GDA: variants seen among roughly 807,000 people sequenced by gnomAD.
GDA encodes cytoplasmic PSD-95 interactor.
A neutral mutation model predicts 59.6 loss-of-function variants in GDA; 18 were observed. The observed-to-expected ratio is 0.30, with a 90% CI of 0.21 to 0.45. GDA has a LOEUF of 0.45. GDA is among the 20% of genes least tolerant of loss of function. GDA has a pLI of 1.00. For synonymous variants in GDA, 201 were observed against 201.1 expected, an observed-to-expected ratio of 1.00 and a Z score of 0.00; for missense variants, 427 against 552.3, an observed-to-expected ratio of 0.77 and a Z score of 2.27.
Position 72,251,488 on chromosome 9 carries a change from C to T in GDA, c.*3146C>T, listed in dbSNP as rs112985788. On this transcript the variant is annotated 3_prime_UTR_variant, in exon 14 of 14. Transcript: ENST00000358399. ...TTCTGGAGACTCTTAGACATCTTTT[C>T]ATTGTTGTCCATTTTTAAAGTTGAT... 6.6e-6 allele frequency: 1 copy of T among 152,144 alleles called. No homozygotes were observed. The highest frequency in any genetic ancestry group is 2.4e-5 in the African/African-American group (1 of 41,436). The allele number at this position is 152,144 out of a possible 1,614,324, so 9.4% of individuals were successfully genotyped here.
At chr9:72,257,572 A>G (rs1476251065), downstream of GDA, 1 of 152,194 alleles carries the variant, frequency 6.6e-6, no homozygotes, top group Non-Finnish European at 1.5e-5. Context: ...TGGAGCCTGA[A>G]CCTGGAATCT....
chr9:72,133,157 G>A (rs1298067406), intron 1 of GDA, among the ~76,000 whole-genome samples: 2 of 151,646 alleles, frequency 1.3e-5, no homozygotes, highest in Non-Finnish European at 2.9e-5. Flanking sequence ...AGCCATGGTA[G>A]TGCATGCCTG....
chr9:72,232,076 C>G (rs981479970), intron 10 of GDA, among the ~76,000 whole-genome samples: 1 of 152,124 alleles, frequency 6.6e-6, no homozygotes, highest in African/African-American at 2.4e-5. Flanking sequence ...TTGCTTGCTT[C>G]GAAAGTGTGA....
chr9:72,155,362 C>A (rs1017251967), intron 1 of GDA, among the ~76,000 whole-genome samples: 1 of 152,094 alleles, frequency 6.6e-6, no homozygotes, highest in Non-Finnish European at 1.5e-5. Flanking sequence ...CCACTGGGTT[C>A]CTCCCACAAC....
intron 1 of GDA, among the ~76,000 whole-genome samples, chr9:72,175,719 TG>T (rs1047342714): frequency 7.3e-4 from 110 of 151,600 alleles, no homozygotes; most frequent in Admixed American, 5.8e-3. Context: ...TCAGTCAGAG[TG>T]GGAAGAATTA....
chr9:72,211,487 G>A (rs533077514), intron 4 of GDA, among the ~76,000 whole-genome samples: 55 of 152,314 alleles, frequency 3.6e-4, no homozygotes, highest in Non-Finnish European at 6.3e-4. Flanking sequence ...ACCCAGCACA[G>A]TACCTGGCAC....
At chr9:72,232,324 A>T (rs1419447376) in intron 10 of GDA, among the ~76,000 whole-genome samples, 2 of 152,328 alleles carry the variant, frequency 1.3e-5, no homozygotes, top group East Asian at 1.9e-4. Flanking sequence ...AAAGTAATTA[A>T]CTGGTAAGAC....
In GDA at chr9:72,250,247, C is replaced by T. The variant is rs1337675341; in HGVS notation, c.*1905C>T. On this transcript the variant is annotated 3_prime_UTR_variant, in exon 14 of 14. Transcript: ENST00000358399. ...ATTTAGATGAGATGTGTAAGATTCACTTACAGGCAGTAGCTGCTTCTAGCA... is the reference window on the plus strand; with the variant it reads ...ATTTAGATGAGATGTGTAAGATTCATTTACAGGCAGTAGCTGCTTCTAGCA... 3 of 992,890 alleles carry T rather than the reference C, an allele frequency of 3.0e-6. No individual in the cohort carries two copies. In the African/African-American group the frequency reaches 5.2e-5, roughly 17 times the overall value. The allele number at this position is 992,890 out of a possible 1,614,324, so 61.5% of individuals were successfully genotyped here. A position where few individuals can be genotyped will look rare whatever the true frequency, so the allele number is the denominator to read the frequency against.
chr9:72,116,009 T>C (rs892419637), intron 1 of GDA, among the ~76,000 whole-genome samples: 8 of 152,030 alleles, frequency 5.3e-5, no homozygotes, highest in African/African-American at 1.4e-4. Flanking sequence ...CGAGGTGAGC[T>C]GATCACCTGA....
chr9:72,129,578 C>G (rs540114703), intron 1 of GDA, among the ~76,000 whole-genome samples: 5 of 152,300 alleles, frequency 3.3e-5, no homozygotes, highest in Non-Finnish European at 7.4e-5. Flanking sequence ...GTATCTATTG[C>G]AGAGTACTTT....
At chr9:72,180,194 T>A (rs151069257) in intron 1 of GDA, among the ~76,000 whole-genome samples, 2,231 of 152,162 alleles carry the variant, frequency 0.015, 56 homozygotes, top group African/African-American at 0.052. Context: ...CCATCTCTAC[T>A]AAAAATACAA....
chr9:72,211,414 C>G (rs1426668008), intron 4 of GDA, among the ~76,000 whole-genome samples: 1 of 152,206 alleles, frequency 6.6e-6, no homozygotes, highest in Non-Finnish European at 1.5e-5. Context: ...GTAACATGCC[C>G]AGGGTTGCAC....
chr9:72,233,692 A>G (rs1838626530), intron 10 of GDA, among the ~76,000 whole-genome samples: 1 of 152,170 alleles, frequency 6.6e-6, no homozygotes, highest in Admixed American at 6.5e-5. Context: ...CTGTAATCCC[A>G]CCACCCTGGA....
chr9:72,120,736 C>T (rs558340631), intron 1 of GDA, among the ~76,000 whole-genome samples: 40 of 152,292 alleles, frequency 2.6e-4, no homozygotes, highest in African/African-American at 8.9e-4. Context: ...ATGTGCTCTC[C>T]GTGGTAGATA....
intron 1 of GDA, among the ~76,000 whole-genome samples, chr9:72,119,945 T>C (rs2130569787): frequency 6.6e-6 from 1 of 152,320 alleles, no homozygotes. Flanking sequence ...TCTGTGTAAA[T>C]TGTGGAACCA....
intron 12 of GDA, among the ~76,000 whole-genome samples, chr9:72,246,664 A>G (rs960363874): frequency 2.6e-5 from 4 of 152,170 alleles, no homozygotes; most frequent in African/African-American, 9.7e-5. Context: ...CTTTAGCTTC[A>G]GAGATCAGGT....
Position 72,179,184 on chromosome 9 carries a change from A to G in GDA, c.124-16316A>G, listed in dbSNP as rs551222356. Among the ~76,000 whole-genome samples, 36 of 152,306 alleles carry G rather than the reference A, an allele frequency of 2.4e-4. No individual in the cohort carries two copies. The East Asian group carries it at 6.8e-3, about 29-fold the overall frequency. Reference sequence around the variant, plus strand: ...CCTGACGTTTTCGAGCTTGTCCAACAAAGTTATCTGTCTGGTGCCATCAGA... The same window carrying G: ...CCTGACGTTTTCGAGCTTGTCCAACGAAGTTATCTGTCTGGTGCCATCAGA... On this transcript the variant is annotated intron_variant, in intron 1 of 13. Transcript: ENST00000358399.
chr9:72,257,041 A>G (rs1486744462), downstream of GDA: 1 of 152,194 alleles, frequency 6.6e-6, no homozygotes, highest in Middle Eastern at 3.2e-3. Context: ...TCAGCATTCT[A>G]AAGTGCTAGG....
Position 72,228,184 on chromosome 9 carries a change from G to A in GDA, c.920+144G>A, listed in dbSNP as rs139578471. On this transcript the variant is annotated intron_variant, in intron 9 of 13. Transcript: ENST00000358399. ...GACCCAGATAGATAGACATTTACTC[G>A]TGCTGTTGAGGAGTAAAAGAGAACA... is the stretch of plus-strand genomic sequence containing the variant. 1,345 of 632,062 alleles carry A rather than the reference G, an allele frequency of 2.1e-3. 5 individuals carry two copies. Among genetic ancestry groups the A allele is most frequent in the East Asian group, 1.9e-3 (70 of 36,032 alleles). 39.2% of individuals were successfully genotyped at this position (632,062 alleles called of 1,614,324 possible).
Sources: gnomAD v4.1 joint callset for allele counts (sites outside exome capture counted in the v4.1 genomes callset) on GRCh38, gnomAD v4.1.1 for gene constraint, MANE v1.5 for transcripts, NCBI Gene and HGNC (gene_info 2026-07-23, HGNC 2026-07-21) for gene names.